The following PLCB4 variants were observed in gnomAD, a reference collection of about 807,000 sequenced individuals.
PLCB4 encodes the protein phospholipase C beta 4.
Under a neutral mutation model 178.8 loss-of-function variants are expected in PLCB4, and 77 were observed. The observed-to-expected ratio is 0.43, with a 90% confidence interval of 0.36 to 0.52. The LOEUF (loss-of-function observed/expected upper bound fraction) is 0.52. Ranked by LOEUF, PLCB4 falls within the 20% of genes least tolerant of loss-of-function variation. The pLI is 0.00. For missense variants in PLCB4, 1,024 were observed against 1,453.4 expected, an observed-to-expected ratio of 0.70 and a Z score of 4.80; for synonymous variants, 496 against 490.8, an observed-to-expected ratio of 1.01 and a Z score of -0.14.
intron 4 of PLCB4, among the ~76,000 whole-genome samples, chr20:9,320,725 C>T (rs1229883916): frequency 6.6e-6 from 1 of 152,224 alleles, no homozygotes; most frequent in Admixed American, 6.5e-5. Context: ...TGAGGTTTCA[C>T]AGGCTGGTTA....
At chr20:9,127,737 T>G (rs1463591974) in intron 2 of PLCB4, among the ~76,000 whole-genome samples, 1 of 151,992 alleles carries the variant, frequency 6.6e-6, no homozygotes, top group Non-Finnish European at 1.5e-5. Flanking sequence ...CAGGCTGGAG[T>G]GCAGTAGCAC....
intron 2 of PLCB4, among the ~76,000 whole-genome samples, chr20:9,179,107 T>A (rs1361363636): frequency 1.3e-5 from 2 of 152,158 alleles, no homozygotes; most frequent in Non-Finnish European, 2.9e-5. Flanking sequence ...AGGCACAGAT[T>A]TTTTGAGGAC....
intron 2 of PLCB4, among the ~76,000 whole-genome samples, chr20:9,196,551 A>G (rs1467852071): frequency 1.3e-5 from 2 of 152,308 alleles, no homozygotes; most frequent in Non-Finnish European, 2.9e-5. Context: ...CAGGCTATGG[A>G]AAGATACTGA....
chr20:9,356,115 A>T (rs1348598767), intron 7 of PLCB4, among the ~76,000 whole-genome samples: 7 of 152,154 alleles, frequency 4.6e-5, no homozygotes, highest in Non-Finnish European at 1.0e-4. Flanking sequence ...GTGTTTGTTC[A>T]TATCCTTTGC....
intron 3 of PLCB4, among the ~76,000 whole-genome samples, chr20:9,297,166 C>G (rs926931546): frequency 1.3e-5 from 2 of 151,704 alleles, no homozygotes; most frequent in African/African-American, 4.8e-5. Flanking sequence ...CACCCCCCCC[C>G]ACACCATATA....
intron 28 of PLCB4, among the ~76,000 whole-genome samples, chr20:9,427,794 G>A (rs2041128194): frequency 6.6e-6 from 1 of 152,140 alleles, no homozygotes; most frequent in African/African-American, 2.4e-5. Flanking sequence ...ATAGGGAGGG[G>A]AGCAAATAAG....
At chr20:9,385,238 CTCTT>C (rs1411354172) in intron 14 of PLCB4, among the ~76,000 whole-genome samples, 1 of 152,162 alleles carries the variant, frequency 6.6e-6, no homozygotes, top group Admixed American at 6.5e-5. Flanking sequence ...AATCTGATCT[CTCTT>C]TCTTTTCCCC....
At chr20:9,265,485 A>C (rs925151958) in intron 3 of PLCB4, among the ~76,000 whole-genome samples, 1 of 152,176 alleles carries the variant, frequency 6.6e-6, no homozygotes, top group Non-Finnish European at 1.5e-5. Flanking sequence ...TCTGTCTCAA[A>C]AAACAGACAA....
chr20:9,473,252 GA>G (rs1196583301), intron 37 of PLCB4, 26 bp from the exon 38 acceptor site: 9 of 997,538 alleles, frequency 9.0e-6, no homozygotes, highest in African/African-American at 2.3e-5. Flanking sequence ...AGTTCAATCA[GA>G]ATTTTTTTTT....
chr20:9,455,086 GC>G (rs2042978234), intron 33 of PLCB4, among the ~76,000 whole-genome samples: 1 of 152,094 alleles, frequency 6.6e-6, no homozygotes, highest in African/African-American at 2.4e-5. Flanking sequence ...ATCAGCTTTG[GC>G]CTATTTCTTT....
chr20:9,410,918 G>GTAT, intron 24 of PLCB4, 119 bp from the exon 25 acceptor site: 1 of 684,302 alleles, frequency 1.5e-6, no homozygotes, highest in Non-Finnish European at 2.6e-6. Flanking sequence ...GAACCTTGTA[G>GTAT]TATTAAAGAG....
At chr20:9,143,630 C>T (rs1279266216) in intron 2 of PLCB4, among the ~76,000 whole-genome samples, 2 of 152,098 alleles carry the variant, frequency 1.3e-5, no homozygotes, top group Non-Finnish European at 2.9e-5. Context: ...ATTCACATTG[C>T]AGTTTGGCAA....
chr20:9,460,089 C>G (rs1396225860), intron 35 of PLCB4, among the ~76,000 whole-genome samples: 1 of 152,116 alleles, frequency 6.6e-6, no homozygotes, highest in East Asian at 1.9e-4. Flanking sequence ...AGCAAGACCC[C>G]ATCTCTATTT....
intron 4 of PLCB4, among the ~76,000 whole-genome samples, chr20:9,328,526 G>C (rs988944201): frequency 6.6e-6 from 1 of 152,204 alleles, no homozygotes; most frequent in Non-Finnish European, 1.5e-5. Flanking sequence ...CTGATCCTTT[G>C]TGATGATTGC....
chr20:9,081,708 A>G (rs980391944), intron 1 of PLCB4, among the ~76,000 whole-genome samples: 1 of 149,234 alleles, frequency 6.7e-6, no homozygotes, highest in Admixed American at 6.7e-5. Flanking sequence ...TAAATAACCA[A>G]ATGCCATTAT....
chr20:9,221,596 A>T (rs1009212889), intron 3 of PLCB4, among the ~76,000 whole-genome samples: 2 of 152,150 alleles, frequency 1.3e-5, no homozygotes, highest in Non-Finnish European at 2.9e-5. Context: ...AAGCACTTTC[A>T]GAGGCTGCAT....
At chr20:9,380,611 A>C (rs2037062339) in intron 13 of PLCB4, among the ~76,000 whole-genome samples, 1 of 152,256 alleles carries the variant, frequency 6.6e-6, no homozygotes, top group Non-Finnish European at 1.5e-5. Flanking sequence ...TCTGGTATGA[A>C]AGATAAATAC....
chr20:9,238,776 G>T (rs528416825), intron 3 of PLCB4, among the ~76,000 whole-genome samples: 1 of 152,326 alleles, frequency 6.6e-6, no homozygotes, highest in African/African-American at 2.4e-5. Flanking sequence ...TGTGCCTCTG[G>T]ATAGCCAATT....
intron 3 of PLCB4, among the ~76,000 whole-genome samples, chr20:9,226,222 C>T (rs1276521141): frequency 6.6e-6 from 1 of 152,114 alleles, no homozygotes; most frequent in Non-Finnish European, 1.5e-5. Context: ...GGAGGCAATC[C>T]TCCTGTGAAA....
Sources: allele counts gnomAD v4.1 joint callset (sites outside exome capture counted in the v4.1 genomes callset), GRCh38; gene constraint gnomAD v4.1.1; transcripts MANE v1.5; gene names NCBI Gene and HGNC (gene_info 2026-07-23, HGNC 2026-07-21).